Variants in AMER1 observed in about 807,000 individuals in gnomAD.
The protein encoded by AMER1 is APC membrane recruitment protein 1, also known as RP11-403E24.2.
A neutral mutation model predicts 53.0 loss-of-function variants in AMER1; 16 were observed. That is an observed-to-expected ratio of 0.30 (90% CI 0.20 to 0.46). The LOEUF is 0.46. Ranked by LOEUF, AMER1 falls within the 20% of genes least tolerant of loss-of-function variation. The probability of loss-of-function intolerance (pLI) is 1.00; values close to 1 mark genes in which losing one functional copy is unlikely to be tolerated. For synonymous variants in AMER1, 354 were observed against 331.9 expected, an observed-to-expected ratio of 1.07 and a Z score of -0.73; for missense variants, 947 against 884.9, an observed-to-expected ratio of 1.07 and a Z score of -0.89.
rs968815543 is a variant in AMER1 at position 64,190,388 on chromosome X, G to A, written c.2899C>T (p.Pro967Ser). 8 of 1,211,747 alleles carry A rather than the reference G, an allele frequency of 6.6e-6. No homozygotes were observed. Among genetic ancestry groups the A allele is most frequent in the Admixed American group, 6.5e-5 (3 of 46,081 alleles). The change falls in exon 2 of 2, where the codon CCA becomes TCA. Residue 967 changes from proline to serine, a missense_variant. Coordinates refer to ENST00000374869, the MANE Select transcript of AMER1 (RefSeq NM_152424.4). ...DWPAWAPCPL[P>S]VGPGPAWISP... ...ATCCAGGCAGGACCTGGCCCCACTG[G>A]AAGAGGACAGGGAGCCCAAGCAGGC...
Position 64,189,774 on chromosome X carries a change from G to T in AMER1, c.*105C>A. ...ACAGGAGTTTTCCTTGGCCCAAAGGGTTTTCAAGTTAAACAACAACCCCCA... is the reference window on the plus strand; with the variant it reads ...ACAGGAGTTTTCCTTGGCCCAAAGGTTTTTCAAGTTAAACAACAACCCCCA... On this transcript the variant is annotated 3_prime_UTR_variant, in exon 2 of 2. Coordinates refer to ENST00000374869, the MANE Select transcript of AMER1 (RefSeq NM_152424.4). 2.7e-6 allele frequency: 3 copies of T among 1,123,786 alleles called. No individual in the cohort carries two copies. Among genetic ancestry groups the T allele is most frequent in the East Asian group, 7.0e-5 (2 of 28,523 alleles). The allele number at this position is 1,123,786 out of a possible 1,213,427, so 92.6% of individuals were successfully genotyped here. A position where few individuals can be genotyped will look rare whatever the true frequency, so the allele number is the denominator to read the frequency against.
intron 1 of AMER1, among the ~76,000 whole-genome samples, chrX:64,197,159 G>A (rs1336414235): frequency 8.9e-6 from 1 of 112,676 alleles, no homozygotes; most frequent in Non-Finnish European, 1.9e-5. Flanking sequence ...CCAAATGCAG[G>A]GCCCCACAAC....
chrX:64,189,793 A>ACCCCCCCCCCCC lies in AMER1; in HGVS notation c.*85_*86insGGGGGGGGGGGG, dbSNP rs1374118055. 1.4e-5 allele frequency: 4 copies of ACCCCCCCCCCCC among 291,602 alleles called. No homozygotes were observed. Among genetic ancestry groups the ACCCCCCCCCCCC allele is most frequent in the Non-Finnish European group, 1.5e-5 (3 of 204,689 alleles). 24.0% of individuals were successfully genotyped at this position (291,602 alleles called of 1,213,427 possible). On this transcript the variant is annotated 3_prime_UTR_variant, in exon 2 of 2. Transcript: ENST00000374869. ...CAAAGGGTTTTCAAGTTAAACAACA[A>ACCCCCCCCCCCC]CCCCCACCCCCCCACCCTTCTGCCC... is the stretch of plus-strand genomic sequence containing the variant.
chrX:64,188,324 C>A lies in AMER1; in HGVS notation c.*1555G>T. 1 of 801,956 alleles carries A rather than the reference C, an allele frequency of 1.2e-6. No homozygotes were observed. Among genetic ancestry groups the A allele is most frequent in the Non-Finnish European group, 1.5e-6 (1 of 668,420 alleles). 66.1% of individuals were successfully genotyped at this position (801,956 alleles called of 1,213,427 possible). A position where few individuals can be genotyped will look rare whatever the true frequency, so the allele number is the denominator to read the frequency against. On this transcript the variant is annotated 3_prime_UTR_variant, in exon 2 of 2. Transcript: ENST00000374869. Reference sequence around the variant, plus strand: ...AATAAAGACATGTAAAAGGAACCCTCTCCTACAGGTGATTAATGAGAGGTT... The same window carrying A: ...AATAAAGACATGTAAAAGGAACCCTATCCTACAGGTGATTAATGAGAGGTT...
intron 1 of AMER1, among the ~76,000 whole-genome samples, chrX:64,203,175 G>A (rs1445814564): frequency 8.9e-6 from 1 of 112,126 alleles, no homozygotes; most frequent in Admixed American, 9.4e-5. Flanking sequence ...TGCATGGTCT[G>A]GGATCTGAGC....
Position 64,189,007 on chromosome X carries a change from A to G in AMER1, c.*872T>C, listed in dbSNP as rs907224138. On this transcript the variant is annotated 3_prime_UTR_variant, in exon 2 of 2. Coordinates refer to ENST00000374869, the MANE Select transcript of AMER1 (RefSeq NM_152424.4). The stretch of plus-strand genomic sequence containing the variant: ...CTATCATTCCGGAGCTCAACACTCT[A>G]TGGCAGTGTCCACAACAGAACCTTG... 3.7e-6 allele frequency: 3 copies of G among 806,707 alleles called. No individual in the cohort carries two copies. Among genetic ancestry groups the G allele is most frequent in the Non-Finnish European group, 4.5e-6 (3 of 671,406 alleles). 66.5% of individuals were successfully genotyped at this position (806,707 alleles called of 1,213,427 possible). A position where few individuals can be genotyped will look rare whatever the true frequency, so the allele number is the denominator to read the frequency against.
chrX:64,200,491 G>A (rs1393773935), intron 1 of AMER1, among the ~76,000 whole-genome samples: 1 of 112,235 alleles, frequency 8.9e-6, no homozygotes, highest in Non-Finnish European at 1.9e-5. Flanking sequence ...TTGCGGACCA[G>A]GAGCTTTGGA....
rs2147088809 is a variant in AMER1 at position 64,192,058 on chromosome X, C to A, written c.1229G>T (p.Trp410Leu). 8.3e-7 allele frequency: 1 copy of A among 1,211,818 alleles called. No individual in the cohort carries two copies. The highest frequency in any genetic ancestry group is 1.8e-5 in the South Asian group (1 of 56,966). ...EEEDDDLEYL[W>L]ETAQMYPRPN... Reference sequence around the variant, plus strand: ...CCGTGGATACATTTGGGCAGTTTCCCACAGATATTCTAAGTCATCATCTTC... The same window carrying A: ...CCGTGGATACATTTGGGCAGTTTCCAACAGATATTCTAAGTCATCATCTTC... The change falls in exon 2 of 2, where the codon TGG (tryptophan) becomes TTG (leucine). Residue 410 changes from tryptophan (W) to leucine (L), a missense_variant. Coordinates refer to ENST00000374869, the MANE Select transcript of AMER1 (RefSeq NM_152424.4).
At chrX:64,198,794 C>G (rs1169957035) in intron 1 of AMER1, among the ~76,000 whole-genome samples, 1 of 111,517 alleles carries the variant, frequency 9.0e-6, no homozygotes, top group Admixed American at 9.5e-5. Context: ...AGCAACCCTA[C>G]CACCACTCCT....
chrX:64,190,066 T>C lies in AMER1; in HGVS notation c.3221A>G (p.Gln1074Arg), dbSNP rs2147084241. 1 of 1,204,602 alleles carries C rather than the reference T, an allele frequency of 8.3e-7. No individual in the cohort carries two copies. The highest frequency in any genetic ancestry group is 3.0e-5 in the East Asian group (1 of 33,636). ...SGGFSPSPLP[Q>R]AKPVGITHGI... ...ATGGGTGATGCCCACAGGCTTGGCC[T>C]GTGGTAGAGGGCTGGGGCTGAAGCC... The change falls in exon 2 of 2, where the codon CAG becomes CGG. Residue 1074 changes from glutamine to arginine, a missense_variant. Gln to Arg is a conservative substitution (Grantham distance 43). Transcript: ENST00000374869.
intron 1 of AMER1, among the ~76,000 whole-genome samples, chrX:64,195,712 A>AT (rs1196413892): frequency 5.3e-5 from 6 of 112,444 alleles, no homozygotes; most frequent in African/African-American, 1.9e-4. Flanking sequence ...CCTCCTCTCC[A>AT]TCCATGGAAA....
In AMER1 at chrX:64,191,510, C is replaced by T. The variant is rs771210621; in HGVS notation, c.1777G>A (p.Ala593Thr). The T allele has an allele frequency of 7.4e-6, 9 of 1,212,144 alleles. No individual in the cohort carries two copies. Among genetic ancestry groups the T allele is most frequent in the Admixed American group, 4.3e-5 (2 of 46,129 alleles). ...CGAGTATAGGCCTCCCTGGCGTGGG[C>T]CTCCCTGGCATGAGCTTCTCGGGCA... ...ARAREAHARE[A>T]HAREAYTREA... Residue 593 changes from alanine to threonine, a missense_variant, in exon 2 of 2, where the codon GCC (alanine) becomes ACC (threonine). By Grantham distance (58) the Ala-to-Thr change is moderately conservative (BLOSUM62 0). Transcript: ENST00000374869.
chrX:64,196,251 G>C (rs1930365680), intron 1 of AMER1, among the ~76,000 whole-genome samples: 1 of 111,666 alleles, frequency 9.0e-6, no homozygotes, highest in African/African-American at 3.3e-5. Context: ...ATCTGCCAAG[G>C]GACCCTGAAT....
chrX:64,195,312 C>T (rs779532663), intron 1 of AMER1, among the ~76,000 whole-genome samples: 8 of 111,927 alleles, frequency 7.1e-5, no homozygotes, highest in African/African-American at 2.3e-4. Flanking sequence ...GTTATCGTCA[C>T]GGTGTTGGGG....
At chrX:64,198,977 C>A (rs954098480) in intron 1 of AMER1, among the ~76,000 whole-genome samples, 3 of 112,679 alleles carry the variant, frequency 2.7e-5, no homozygotes, top group Non-Finnish European at 5.6e-5. Context: ...ACACCCATAG[C>A]CAAGTACTGC....
intron 1 of AMER1, among the ~76,000 whole-genome samples, chrX:64,202,260 A>C (rs1341725762): frequency 8.9e-6 from 1 of 112,058 alleles, no homozygotes; most frequent in Non-Finnish European, 1.9e-5. Context: ...CAAGACCAAG[A>C]GGCAAAAGAG....
chrX:64,188,295 T>C lies in AMER1; in HGVS notation c.*1584A>G. ...AAGCAAAAAATGTTCCATATGCCAT[T>C]TCCAATAAAGACATGTAAAAGGAAC... On this transcript the variant is annotated 3_prime_UTR_variant, in exon 2 of 2. Coordinates refer to ENST00000374869, the MANE Select transcript of AMER1 (RefSeq NM_152424.4). 1 of 801,880 alleles carries C rather than the reference T, an allele frequency of 1.2e-6. No homozygotes were observed. The allele number at this position is 801,880 out of a possible 1,213,427, so 66.1% of individuals were successfully genotyped here. A position where few individuals can be genotyped will look rare whatever the true frequency, so the allele number is the denominator to read the frequency against.
intron 1 of AMER1, among the ~76,000 whole-genome samples, chrX:64,195,006 T>G (rs957997125): frequency 4.5e-5 from 5 of 111,810 alleles, no homozygotes; most frequent in Non-Finnish European, 7.5e-5. Flanking sequence ...AAAGAGCAGG[T>G]GAAAAGGAAA....
Position 64,185,811 on chromosome X carries a change from G to A in AMER1, c.*4068C>T, listed in dbSNP as rs1005969590. On this transcript the variant is annotated 3_prime_UTR_variant, in exon 2 of 2. Coordinates refer to ENST00000374869, the MANE Select transcript of AMER1 (RefSeq NM_152424.4). ...AGTCCTATGCAAGGGTTTCCTCAAC[G>A]AGATGGTAAATTCCTGATAGTGCAA... is the stretch of plus-strand genomic sequence containing the variant. 3.6e-5 allele frequency: 8 copies of A among 224,952 alleles called. No individual in the cohort carries two copies. Among genetic ancestry groups the A allele is most frequent in the African/African-American group, 1.4e-4 (5 of 35,291 alleles). 18.5% of individuals were successfully genotyped at this position (224,952 alleles called of 1,213,427 possible). A position where few individuals can be genotyped will look rare whatever the true frequency, so the allele number is the denominator to read the frequency against.
Sources: allele counts gnomAD v4.1 joint callset (sites outside exome capture counted in the v4.1 genomes callset), GRCh38; gene constraint gnomAD v4.1.1; transcripts MANE v1.5; gene names NCBI Gene and HGNC (gene_info 2026-07-23, HGNC 2026-07-21).